KCNIP1: variants seen among roughly 807,000 people sequenced by gnomAD.
KCNIP1 encodes the protein potassium voltage-gated channel interacting protein 1, also known as A-type potassium channel modulatory protein KCNIP1.
A neutral mutation model predicts 33.0 loss-of-function variants in KCNIP1; 18 were observed. The ratio of observed to expected loss-of-function variants is 0.55; its 90% CI spans 0.38 to 0.81. The LOEUF (loss-of-function observed/expected upper bound fraction) is 0.81, where lower values mean the gene tolerates loss of function less well. KCNIP1 is among the 30% of genes least tolerant of loss of function. The pLI is 0.00. For synonymous variants in KCNIP1, 93 were observed against 98.3 expected, an observed-to-expected ratio of 0.95 and a Z score of 0.32; for missense variants, 238 against 271.6, an observed-to-expected ratio of 0.88 and a Z score of 0.87.
chr5:170,639,794 C>T lies in KCNIP1; in HGVS notation c.62-78964C>T, dbSNP rs149967122. Among the ~76,000 whole-genome samples, 396 of 152,326 alleles carry T rather than the reference C, an allele frequency of 2.6e-3. 2 individuals are homozygous for T. Among genetic ancestry groups the T allele is most frequent in the African/African-American group, 9.0e-3 (374 of 41,576 alleles). Reference sequence around the variant, plus strand: ...TCACAGGTCAGATTGCCTGCTCTGACGTAGTGACTCAGTTGGATGCGGTTC... The same window carrying T: ...TCACAGGTCAGATTGCCTGCTCTGATGTAGTGACTCAGTTGGATGCGGTTC... On this transcript the variant is annotated intron_variant, in intron 1 of 7. Coordinates refer to ENST00000328939, the MANE Select transcript of KCNIP1 (RefSeq NM_014592.4).
chr5:170,389,384 G>A (rs1284387097), intron 1 of KCNIP1: 1 of 151,932 alleles, frequency 6.6e-6, no homozygotes, highest in African/African-American at 2.4e-5. Context: ...CGTCTCCAGG[G>A]AAGCAGCTTT....
At chr5:170,493,516 G>C (rs189914903) in intron 1 of KCNIP1, among the ~76,000 whole-genome samples, 1 of 152,302 alleles carries the variant, frequency 6.6e-6, no homozygotes, top group Non-Finnish European at 1.5e-5. Flanking sequence ...AAGTCACCAT[G>C]GTGGCTGGAC....
intron 1 of KCNIP1, among the ~76,000 whole-genome samples, chr5:170,527,744 G>T (rs6873872): frequency 1.4e-5 from 2 of 148,036 alleles, no homozygotes; most frequent in South Asian, 2.4e-4. Context: ...ACAGTTACAC[G>T]CTCACAGGCT....
At chr5:170,666,506 G>A (rs1402872562) in intron 1 of KCNIP1, among the ~76,000 whole-genome samples, 1 of 151,980 alleles carries the variant, frequency 6.6e-6, no homozygotes, top group African/African-American at 2.4e-5. Context: ...TGTTTTGTCT[G>A]GTTTTGTTTA....
intron 1 of KCNIP1, among the ~76,000 whole-genome samples, chr5:170,672,538 T>TA (rs1158972318): frequency 7.2e-5 from 11 of 152,320 alleles, no homozygotes; most frequent in African/African-American, 2.4e-4. Context: ...TGGAGAATTT[T>TA]AAAAAAATAT....
At chr5:170,433,725 C>A (rs1437701393) in intron 1 of KCNIP1, among the ~76,000 whole-genome samples, 2 of 152,204 alleles carry the variant, frequency 1.3e-5, no homozygotes, top group Non-Finnish European at 2.9e-5. Flanking sequence ...AAATCTGCCT[C>A]TGTTGAGGGC....
At chr5:170,454,468 G>A (rs1756328299) in intron 1 of KCNIP1, among the ~76,000 whole-genome samples, 1 of 152,174 alleles carries the variant, frequency 6.6e-6, no homozygotes, top group Non-Finnish European at 1.5e-5. Context: ...GACCTAAAAT[G>A]TTTGCATCCT....
chr5:170,432,611 C>G (rs748494463), intron 1 of KCNIP1, among the ~76,000 whole-genome samples: 1 of 152,160 alleles, frequency 6.6e-6, no homozygotes, highest in Non-Finnish European at 1.5e-5. Flanking sequence ...CTAAAGCCAG[C>G]CTAACGCTCT....
rs115261525 is a variant in KCNIP1 at position 170,543,925 on chromosome 5, G to C, written c.61+39292G>C. On this transcript the variant is annotated intron_variant, in intron 1 of 7. Coordinates refer to ENST00000328939, the MANE Select transcript of KCNIP1 (RefSeq NM_014592.4). Reference sequence around the variant, plus strand: ...ATTTACAACAACCAACAAGCCGAAGGAAACCAATAGATCTAGGTTAAATGA... The same window carrying C: ...ATTTACAACAACCAACAAGCCGAAGCAAACCAATAGATCTAGGTTAAATGA... Among the ~76,000 whole-genome samples the C allele has an allele frequency of 4.2e-3, 640 of 152,264 alleles. 1 individual carries two copies. Among genetic ancestry groups the C allele is most frequent in the African/African-American group, 0.015 (616 of 41,560 alleles).
At chr5:170,356,358 G>GC (rs555403315) in intron 1 of KCNIP1, among the ~76,000 whole-genome samples, 10 of 152,252 alleles carry the variant, frequency 6.6e-5, no homozygotes, top group African/African-American at 2.2e-4. Flanking sequence ...GCAATTTACT[G>GC]TTTCTTACCA....
intron 1 of KCNIP1, among the ~76,000 whole-genome samples, chr5:170,573,753 C>A (rs139548353): frequency 7.2e-5 from 11 of 152,330 alleles, no homozygotes; most frequent in African/African-American, 2.4e-4. Flanking sequence ...TCTCATTCAT[C>A]TGTAGCTGCC....
chr5:170,577,413 G>T (rs1399511044), intron 1 of KCNIP1, among the ~76,000 whole-genome samples: 3 of 152,214 alleles, frequency 2.0e-5, no homozygotes, highest in Admixed American at 1.3e-4. Context: ...CCAGACTTCT[G>T]TTGCCTGGAT....
chr5:170,356,649 C>T (rs766322009), intron 1 of KCNIP1, among the ~76,000 whole-genome samples: 13 of 152,222 alleles, frequency 8.5e-5, no homozygotes, highest in Non-Finnish European at 1.3e-4. Flanking sequence ...CTCTCTTCCC[C>T]ACTAGACTTC....
intron 1 of KCNIP1, among the ~76,000 whole-genome samples, chr5:170,466,766 C>A (rs1243290692): frequency 6.6e-6 from 1 of 152,134 alleles, no homozygotes; most frequent in Non-Finnish European, 1.5e-5. Flanking sequence ...GGACGCTAAT[C>A]CCATTCATGA....
intron 1 of KCNIP1, among the ~76,000 whole-genome samples, chr5:170,612,627 G>A (rs1393935283): frequency 1.3e-5 from 2 of 152,224 alleles, no homozygotes; most frequent in Non-Finnish European, 2.9e-5. Context: ...AGTCTAGGAA[G>A]ATGGAGTAAA....
chr5:170,420,606 T>TATGTTATGGGTAAGTCTTCC (rs1484784987), intron 1 of KCNIP1: 8 of 152,066 alleles, frequency 5.3e-5, no homozygotes, highest in African/African-American at 1.7e-4. Context: ...ATCAACTGTC[T>TATGTTATGGGTAAGTCTTCC]ATGTTATGGG....
At chr5:170,552,896 C>T (rs891911857) in intron 1 of KCNIP1, among the ~76,000 whole-genome samples, 1 of 152,212 alleles carries the variant, frequency 6.6e-6, no homozygotes, top group Admixed American at 6.5e-5. Context: ...TGAGTGGGGC[C>T]CAGAGCTTAG....
In KCNIP1 at chr5:170,489,293, C is replaced by T. The variant is rs1757158207; in HGVS notation, c.88+135329C>T. On this transcript the variant is annotated intron_variant, in intron 1 of 7. Transcript: ENST00000377360. The surrounding 1 kb of genome is among the most constrained non-coding windows in gnomAD (Gnocchi z 4.3). ...AAATTTCCCTTGAGAAGGAGAAAGC[C>T]ATGCTATAGGCAATCAAGATTTGCA... Among the ~76,000 whole-genome samples the T allele has an allele frequency of 6.6e-6, 1 of 152,228 alleles. No homozygotes were observed. Among genetic ancestry groups the T allele is most frequent in the Admixed American group, 6.5e-5 (1 of 15,286 alleles).
At chr5:170,617,732 C>T (rs149850264) in intron 1 of KCNIP1, among the ~76,000 whole-genome samples, 75 of 152,304 alleles carry the variant, frequency 4.9e-4, no homozygotes, top group African/African-American at 1.7e-3. Context: ...ACTTTTGTAG[C>T]CCTGTTCCCC....
Sources: allele counts gnomAD v4.1 joint callset (sites outside exome capture counted in the v4.1 genomes callset), GRCh38; gene constraint gnomAD v4.1.1; non-coding constraint Gnocchi (gnomAD v3.1); transcripts MANE v1.5; gene names NCBI Gene and HGNC (gene_info 2026-07-23, HGNC 2026-07-21).